The following PID1 variants were observed in gnomAD, a reference collection of about 807,000 sequenced individuals.
PID1 encodes the protein PTB-containing, cubilin and LRP1-interacting protein.
A neutral mutation model predicts 19.1 loss-of-function variants in PID1; 10 were observed. The observed-to-expected ratio is 0.52, with a 90% CI of 0.32 to 0.89. The LOEUF (loss-of-function observed/expected upper bound fraction) is 0.89. Among genes scored for constraint, PID1 ranks in the 40% least tolerant of loss-of-function variants. The pLI is 0.03. For synonymous variants in PID1, 130 were observed against 116.0 expected, an observed-to-expected ratio of 1.12 and a Z score of -0.78; for missense variants, 248 against 285.3, an observed-to-expected ratio of 0.87 and a Z score of 0.94.
intron 2 of PID1, among the ~76,000 whole-genome samples, chr2:229,083,543 G>T (rs954409103): frequency 2.6e-5 from 4 of 152,146 alleles, no homozygotes; most frequent in Admixed American, 2.6e-4. Flanking sequence ...TGTTATTTGA[G>T]AAATAACTGA....
intron 2 of PID1, among the ~76,000 whole-genome samples, chr2:229,125,497 A>G (rs1474544789): frequency 1.3e-5 from 2 of 152,112 alleles, no homozygotes; most frequent in African/African-American, 4.8e-5. Flanking sequence ...GCAACTAACA[A>G]CCCAAATCCA....
At chr2:229,053,896 G>C (rs1451460448) in intron 2 of PID1, among the ~76,000 whole-genome samples, 1 of 152,168 alleles carries the variant, frequency 6.6e-6, no homozygotes, top group Non-Finnish European at 1.5e-5. Context: ...GCAGGTTTTA[G>C]AATTAAGATT....
chr2:229,270,918 G>T, intron 1 of PID1, 96 bp downstream of exon 1: 1 of 1,162,662 alleles, frequency 8.6e-7, no homozygotes, highest in Non-Finnish European at 1.2e-6. Flanking sequence ...GATGGTTTTG[G>T]GCAAATCCCC....
intron 1 of PID1, among the ~76,000 whole-genome samples, chr2:229,238,351 T>A (rs150732370): frequency 1.8e-4 from 28 of 152,276 alleles, no homozygotes; most frequent in Non-Finnish European, 3.5e-4. Flanking sequence ...CCAAACCATA[T>A]CATCGCTCAG....
At chr2:229,264,223 T>A (rs529142835) in intron 1 of PID1, among the ~76,000 whole-genome samples, 1 of 152,312 alleles carries the variant, frequency 6.6e-6, no homozygotes, top group African/African-American at 2.4e-5. Flanking sequence ...TTCACTTATC[T>A]AAAATTTCTT....
intron 1 of PID1, among the ~76,000 whole-genome samples, chr2:229,199,745 T>TATATATATATATATATATATATATAC (rs1491155550): frequency 8.2e-6 from 1 of 122,536 alleles, no homozygotes; most frequent in Admixed American, 8.0e-5. Flanking sequence ...TATATATATA[T>TATATATATATATATATATATATATAC]ACACATACAC....
chr2:229,198,252 A>G (rs555961238), intron 1 of PID1, among the ~76,000 whole-genome samples: 1 of 152,214 alleles, frequency 6.6e-6, no homozygotes, highest in East Asian at 1.9e-4. Flanking sequence ...ATTGGAATTT[A>G]TGTATGTAAC....
At chr2:229,193,024 T>C (rs1691295981) in intron 1 of PID1, among the ~76,000 whole-genome samples, 1 of 152,244 alleles carries the variant, frequency 6.6e-6, no homozygotes, top group Admixed American at 6.5e-5. Context: ...TGGTTATCTC[T>C]TATTGTATAA....
chr2:229,246,959 AGACAAT>A (rs1690020286), intron 1 of PID1, among the ~76,000 whole-genome samples: 1 of 152,178 alleles, frequency 6.6e-6, no homozygotes, highest in Non-Finnish European at 1.5e-5. Flanking sequence ...CCAAAGCCAC[AGACAAT>A]GACCCACCAA....
chr2:229,174,310 T>C (rs1048935349), intron 1 of PID1, among the ~76,000 whole-genome samples: 15 of 152,136 alleles, frequency 9.9e-5, no homozygotes, highest in Admixed American at 8.5e-4. Context: ...CAATAAGTAG[T>C]TTATGGACAT....
intron 2 of PID1, among the ~76,000 whole-genome samples, chr2:229,070,762 T>C (rs772929060): frequency 6.6e-5 from 10 of 152,130 alleles, no homozygotes; most frequent in Non-Finnish European, 1.3e-4. Flanking sequence ...TTTAAAATAC[T>C]GATTAGAGGG....
At chr2:229,200,550 C>T (rs995672712) in intron 1 of PID1, among the ~76,000 whole-genome samples, 1 of 152,016 alleles carries the variant, frequency 6.6e-6, no homozygotes, top group Non-Finnish European at 1.5e-5. Flanking sequence ...GCCACCCCCA[C>T]TACACTGGCA....
chr2:229,074,486 A>G (rs3845824), intron 2 of PID1, among the ~76,000 whole-genome samples: 30,963 of 152,116 alleles, frequency 0.2, 4,006 homozygotes, highest in East Asian at 0.55. Context: ...ATGCTTTTAA[A>G]TGTAGTATTC....
chr2:229,082,996 T>C (rs1694697948), intron 2 of PID1, among the ~76,000 whole-genome samples: 1 of 151,900 alleles, frequency 6.6e-6, no homozygotes, highest in South Asian at 2.1e-4. Flanking sequence ...GACATAAAGG[T>C]CTCAAAACTA....
chr2:229,195,360 TA>T (rs949042447), intron 1 of PID1, among the ~76,000 whole-genome samples: 8 of 151,612 alleles, frequency 5.3e-5, no homozygotes, highest in Non-Finnish European at 1.0e-4. Context: ...CACATGCACA[TA>T]CACACATACA....
At chr2:229,218,244 T>C (rs549452985) in intron 1 of PID1, among the ~76,000 whole-genome samples, 1 of 138,642 alleles carries the variant, frequency 7.2e-6, no homozygotes, top group Admixed American at 7.9e-5. Flanking sequence ...TATAGATTCA[T>C]GAATTTTTTA....
intron 2 of PID1, 75 bp downstream of exon 2, chr2:229,155,743 A>T: frequency 7.7e-7 from 1 of 1,303,122 alleles, no homozygotes; most frequent in Non-Finnish European, 1.1e-6. Flanking sequence ...TACCATTGTG[A>T]AACATAGGTC....
chr2:229,176,105 C>T (rs1690816363), intron 1 of PID1, among the ~76,000 whole-genome samples: 1 of 151,688 alleles, frequency 6.6e-6, no homozygotes, highest in Non-Finnish European at 1.5e-5. Flanking sequence ...TCAACACGCT[C>T]ATGAAATTTA....
At position 229,063,155 on chromosome 2, in the gene PID1, CT is replaced by C. The variant is rs1241257119; in HGVS notation, c.178-37048del. On this transcript the variant is annotated intron_variant, in intron 2 of 2. Coordinates refer to ENST00000392055, the MANE Select transcript of PID1 (RefSeq NM_001100818.2). ...TCTTATCTTCATTATTTCCTTCCTT[CT>C]ATTGACTTTGGGCTTAGTTTGTTCT... 3.3e-5 allele frequency among the ~76,000 whole-genome samples: 5 copies of C among 152,078 alleles called. No individual in the cohort carries two copies. The East Asian group carries it at 9.7e-4, about 29-fold the overall frequency.
Sources: gnomAD v4.1 joint callset for allele counts (sites outside exome capture counted in the v4.1 genomes callset) on GRCh38, gnomAD v4.1.1 for gene constraint, MANE v1.5 for transcripts, NCBI Gene and HGNC (gene_info 2026-07-23, HGNC 2026-07-21) for gene names.